The following PEAK1 variants were observed in gnomAD, a reference collection of about 807,000 sequenced individuals.
The protein encoded by PEAK1 is inactive tyrosine-protein kinase PEAK1.
A neutral mutation model predicts 124.7 loss-of-function variants in PEAK1; 54 were observed. That is an observed-to-expected ratio of 0.43 (90% CI 0.35 to 0.54). PEAK1 has a LOEUF of 0.54. Among genes scored for constraint, PEAK1 ranks in the 20% least tolerant of loss-of-function variants. The pLI, the probability that PEAK1 is intolerant of heterozygous loss-of-function variation, is 0.01. For synonymous variants in PEAK1, 719 were observed against 760.0 expected (o/e 0.95, Z 0.89); for missense variants, 2,046 against 2,134.5 (o/e 0.96, Z 0.82).
At chr15:77,257,969 A>G (rs2061248813) in intron 5 of PEAK1, among the ~76,000 whole-genome samples, 1 of 152,192 alleles carries the variant, frequency 6.6e-6, no homozygotes, top group South Asian at 2.1e-4. Context: ...TCCCATCACC[A>G]TTTATTAAAT....
At chr15:77,127,722 G>A (rs1004670475) in intron 9 of PEAK1, among the ~76,000 whole-genome samples, 2 of 152,158 alleles carry the variant, frequency 1.3e-5, no homozygotes, top group Admixed American at 1.3e-4. Flanking sequence ...ACTGAAAAAG[G>A]AATTGTTGAG....
rs1158629326 is a variant in PEAK1, at chr15:77,337,528, A to T, written c.-603+27635T>A. The T allele has an allele frequency of 3.0e-6, 3 of 985,050 alleles. No homozygotes were observed. The African/African-American group carries it at 5.2e-5, about 17-fold the overall frequency. 61.0% of individuals were successfully genotyped at this position (985,050 alleles called of 1,614,324 possible). A position where few individuals can be genotyped will look rare whatever the true frequency, so the allele number is the denominator to read the frequency against. ...CAAAGATCCTGAACACAAAATACCAAACAGAAGATAAGATGTAGTCTGGCA... is the reference window on the plus strand; with the variant it reads ...CAAAGATCCTGAACACAAAATACCATACAGAAGATAAGATGTAGTCTGGCA... On this transcript the variant is annotated intron_variant, in intron 2 of 9. Transcript: ENST00000682557.
intron 9 of PEAK1, among the ~76,000 whole-genome samples, chr15:77,127,563 C>T (rs2152731908): frequency 6.6e-6 from 1 of 152,218 alleles, no homozygotes; most frequent in East Asian, 1.9e-4. Flanking sequence ...AAAGGGAATC[C>T]TTGTCATAAC....
intron 2 of PEAK1, chr15:77,347,463 A>G (rs1418948432): frequency 1.0e-6 from 1 of 985,290 alleles, no homozygotes; most frequent in Non-Finnish European, 1.2e-6. Context: ...TAAGATCAAC[A>G]TCTAGGGCTG....
In PEAK1 at chr15:77,179,850, T is replaced by C. The variant is rs373445234; in HGVS notation, c.2077A>G (p.Asn693Asp). 12 of 1,614,070 alleles carry C rather than the reference T, an allele frequency of 7.4e-6. No individual in the cohort carries two copies. Among genetic ancestry groups the C allele is most frequent in the Non-Finnish European group, 1.0e-5 (12 of 1,180,030 alleles). Residue 693 changes from asparagine (N) to aspartate (D), a missense_variant, in exon 7 of 10, where the codon AAC becomes GAC. Asn to Asp is a conservative substitution (Grantham distance 23). Transcript: ENST00000682557. ...GAGCCCCTTTTATGCTCTGTGCTGT[T>C]TGAAAACCCTTTAGTTTGAAGACAG... is the stretch of plus-strand genomic sequence containing the variant. ...TDCLQTKGFS[N>D]STEHKRGSVA...
intron 6 of PEAK1, among the ~76,000 whole-genome samples, chr15:77,215,026 T>A (rs186536603): frequency 1.3e-5 from 2 of 152,336 alleles, no homozygotes; most frequent in African/African-American, 4.8e-5. Flanking sequence ...ATTACCATAT[T>A]GGTTTTCAAA....
intron 6 of PEAK1, among the ~76,000 whole-genome samples, chr15:77,211,872 G>GTT (rs2058925352): frequency 8.0e-6 from 1 of 124,598 alleles, no homozygotes; most frequent in Admixed American, 7.8e-5. Flanking sequence ...AAAAAAAAAA[G>GTT]TGACTGTAAA....
At chr15:77,259,099 A>G (rs1048780119) in intron 5 of PEAK1, among the ~76,000 whole-genome samples, 1 of 152,188 alleles carries the variant, frequency 6.6e-6, no homozygotes, top group Non-Finnish European at 1.5e-5. Flanking sequence ...AGTAGTTGTT[A>G]CAGTAACTAA....
rs1445742842 is a variant in PEAK1 at position 77,332,998 on chromosome 15, A to AT, written c.-603+32164dup. 68 of 901,590 alleles carry AT rather than the reference A, an allele frequency of 7.5e-5. No individual in the cohort carries two copies. In the African/African-American group the frequency reaches 1.0e-3, roughly 14 times the overall value. The allele number at this position is 901,590 out of a possible 1,614,324, so 55.8% of individuals were successfully genotyped here. ...TGCTCCTTTTCCTATTCAGGCATTC[A>AT]TTTCTTATTGACTTATAAGTGCTCT... On this transcript the variant is annotated intron_variant, in intron 2 of 9. Transcript: ENST00000682557.
intron 2 of PEAK1, among the ~76,000 whole-genome samples, chr15:77,316,787 G>GT (rs1234795917): frequency 6.6e-6 from 1 of 152,080 alleles, no homozygotes; most frequent in East Asian, 1.9e-4. Context: ...TTAGCGAAAA[G>GT]TAAGATGCAG....
chr15:77,247,763 A>T (rs906147387), intron 6 of PEAK1, among the ~76,000 whole-genome samples: 1 of 151,934 alleles, frequency 6.6e-6, no homozygotes, highest in Non-Finnish European at 1.5e-5. Flanking sequence ...TAATTTATTG[A>T]TATGGTGAAT....
chr15:77,377,425 G>A (rs1022298798), intron 1 of PEAK1, among the ~76,000 whole-genome samples: 1 of 151,482 alleles, frequency 6.6e-6, no homozygotes, highest in African/African-American at 2.4e-5. Context: ...ACATAGACAA[G>A]GTATGGGAAA....
At chr15:77,201,954 C>T (rs2058384034) in intron 6 of PEAK1, among the ~76,000 whole-genome samples, 1 of 152,172 alleles carries the variant, frequency 6.6e-6, no homozygotes, top group African/African-American at 2.4e-5. Flanking sequence ...ATCACACTGG[C>T]TCCCTTTGTG....
At chr15:77,201,841 T>G (rs551536669) in intron 6 of PEAK1, among the ~76,000 whole-genome samples, 5 of 152,334 alleles carry the variant, frequency 3.3e-5, no homozygotes, top group Non-Finnish European at 5.9e-5. Context: ...GAATACAGCC[T>G]GTCACTTAGC....
At chr15:77,213,688 C>CA (rs551868611) in intron 6 of PEAK1, among the ~76,000 whole-genome samples, 1 of 151,466 alleles carries the variant, frequency 6.6e-6, no homozygotes, top group African/African-American at 2.4e-5. Context: ...GACTCTGTCT[C>CA]AAAAAAACAA....
intron 1 of PEAK1, among the ~76,000 whole-genome samples, chr15:77,379,341 G>C (rs146239986): frequency 0.014 from 2,142 of 152,284 alleles, 31 homozygotes; most frequent in Admixed American, 0.033. Context: ...GTAAGAGAAT[G>C]TGAGTCACTT....
chr15:77,215,092 A>G (rs2059088388), intron 6 of PEAK1, among the ~76,000 whole-genome samples: 1 of 152,184 alleles, frequency 6.6e-6, no homozygotes, highest in Non-Finnish European at 1.5e-5. Context: ...CAATTGCTCC[A>G]TAACCTCATC....
Position 77,329,412 on chromosome 15 carries a change from G to A in PEAK1, c.-603+35751C>T, listed in dbSNP as rs16968772. Among the ~76,000 whole-genome samples, 383 of 152,168 alleles carry A rather than the reference G, an allele frequency of 2.5e-3. 6 individuals carry two copies. In the East Asian group the frequency reaches 0.041, roughly 16 times the overall value. ...TTTGTTTTGTTGATTCGTTGTTTAG[G>A]AATGCAATCAAATCCAGATTGTCTA... On this transcript the variant is annotated intron_variant, in intron 2 of 9. Transcript: ENST00000682557.
In PEAK1 at chr15:77,113,950, G is replaced by GA; in HGVS notation, c.*205dup. 1 of 577,128 alleles carries GA rather than the reference G, an allele frequency of 1.7e-6. No individual in the cohort carries two copies. The highest frequency in any genetic ancestry group is 2.6e-5 in the South Asian group (1 of 39,144). The allele number at this position is 577,128 out of a possible 1,614,324, so 35.8% of individuals were successfully genotyped here. The stretch of plus-strand genomic sequence containing the variant: ...AAGGCAACTGCAAGTTTGTGCAGCT[G>GA]AATTTCTGTAAAGTTAAGACAGACT... On this transcript the variant is annotated 3_prime_UTR_variant, in exon 10 of 10. Transcript: ENST00000682557.
Sources: gnomAD v4.1 joint callset for allele counts (sites outside exome capture counted in the v4.1 genomes callset) on GRCh38, gnomAD v4.1.1 for gene constraint, MANE v1.5 for transcripts, NCBI Gene and HGNC (gene_info 2026-07-23, HGNC 2026-07-21) for gene names.